The following SPEN variants were observed in gnomAD, a reference collection of about 807,000 sequenced individuals.
The protein encoded by SPEN is spen family transcriptional repressor.
Under a neutral mutation model 269.9 loss-of-function variants are expected in SPEN, and 18 were observed. That is an observed-to-expected ratio of 0.07 (90% CI 0.05 to 0.10). SPEN has a LOEUF of 0.10. Ranked by LOEUF, SPEN falls within the 10% of genes least tolerant of loss-of-function variation. The pLI is 1.00. For missense variants in SPEN, 3,822 were observed against 4,631.2 expected (o/e 0.83, Z 5.07); for synonymous variants, 1,726 against 1,765.7 (o/e 0.98, Z 0.56).
Position 15,922,226 on chromosome 1 carries a change from A to G in SPEN, c.1750-23A>G, listed in dbSNP as rs1165946123. 5.9e-6 allele frequency: 9 copies of G among 1,536,042 alleles called. No individual in the cohort carries two copies. The Admixed American group carries it at 1.3e-4, about 23-fold the overall frequency. On this transcript the variant is annotated intron_variant, in intron 9 of 14. Transcript: ENST00000375759. The stretch of plus-strand genomic sequence containing the variant: ...TCATTAAAATTTGAAACTTGCATCA[A>G]ACACCTCTTTTTTTTTTTAAAGGTG...
At chr1:15,853,613 C>T (rs1337404778) in intron 1 of SPEN, among the ~76,000 whole-genome samples, 1 of 152,034 alleles carries the variant, frequency 6.6e-6, no homozygotes, top group Admixed American at 6.6e-5. Context: ...CCTGCCTCAG[C>T]CTCCTGAATA....
chr1:15,874,181 A>T, intron 2 of SPEN: 8 of 1,366,514 alleles, frequency 5.9e-6, no homozygotes, highest in Non-Finnish European at 7.8e-6. Flanking sequence ...TGAGAGTTAC[A>T]GTTTGTCTGG....
intron 3 of SPEN, among the ~76,000 whole-genome samples, chr1:15,883,011 G>T (rs1162021533): frequency 6.6e-6 from 1 of 152,220 alleles, no homozygotes; most frequent in African/African-American, 2.4e-5. Context: ...GAGGGGAAAG[G>T]AGGCAATGGG....
In SPEN at chr1:15,929,548, C is replaced by A; in HGVS notation, c.3308C>A (p.Ser1103Ter). Residue 1103 changes from serine to a stop codon, truncating the protein, a stop_gained, in exon 11 of 15, where the codon TCA becomes TAA. Transcript: ENST00000375759. LOFTEE classifies it high-confidence loss of function. This position sits in a 1 kb window ranked among gnomAD's most constrained non-coding sequence, Gnocchi z 5.8. Reference sequence around the variant, plus strand: ...TCTGTGGAAAATCAAGAAGTCCAATCAAAAAAGCCCATTCCCTCAAAACCA... The same window carrying A: ...TCTGTGGAAAATCAAGAAGTCCAATAAAAAAAGCCCATTCCCTCAAAACCA... Reference protein sequence around the residue: ...GESVENQEVQSKKPIPSKPQL... With the variant: ...GESVENQEVQ 1 of 1,613,636 alleles carries A rather than the reference C, an allele frequency of 6.2e-7. No homozygotes were observed. Among genetic ancestry groups the A allele is most frequent in the Admixed American group, 1.7e-5 (1 of 59,948 alleles).
At chr1:15,864,799 C>T (rs1032745991) in intron 1 of SPEN, among the ~76,000 whole-genome samples, 12 of 147,392 alleles carry the variant, frequency 8.1e-5, no homozygotes, top group African/African-American at 3.0e-4. Context: ...ATCTTAACCT[C>T]TTGAGTAGCT....
At chr1:15,869,189 T>G (rs1257091917) in intron 1 of SPEN, among the ~76,000 whole-genome samples, 1 of 152,132 alleles carries the variant, frequency 6.6e-6, no homozygotes, top group Non-Finnish European at 1.5e-5. Flanking sequence ...CCTGAGTGGC[T>G]GGGACTGCAG....
At chr1:15,919,106 A>T in intron 7 of SPEN, 55 bp downstream of exon 7, 1 of 1,537,106 alleles carries the variant, frequency 6.5e-7, no homozygotes, top group South Asian at 1.2e-5. Flanking sequence ...GTTTTTTAAG[A>T]CTTGAAGGGT....
chr1:15,890,066 C>T (rs2070774519), intron 3 of SPEN, among the ~76,000 whole-genome samples: 1 of 151,972 alleles, frequency 6.6e-6, no homozygotes, highest in Non-Finnish European at 1.5e-5. Flanking sequence ...CTTCCTATGT[C>T]CAGGTAGACA....
chr1:15,929,216 T>C lies in SPEN; in HGVS notation c.2976T>C (p.Asn992=), dbSNP rs755013760. Residue 992 remains asparagine, a synonymous_variant, in exon 11 of 15, where the codon AAT becomes AAC. Transcript: ENST00000375759. The surrounding 1 kb of genome is among the most constrained non-coding windows in gnomAD (Gnocchi z 5.8). ...GGAAAAGGCGCTTTGCAGATTCCAA[T>C]TTAAAAGCAGAAAAGCAAAAACCAG... ...EARKRRFADS[N]LKAEKQKPEV... The C allele has an allele frequency of 6.2e-7, 1 of 1,614,130 alleles. No individual in the cohort carries two copies. Among genetic ancestry groups the C allele is most frequent in the East Asian group, 2.2e-5 (1 of 44,886 alleles).
intron 3 of SPEN, among the ~76,000 whole-genome samples, chr1:15,899,096 A>C (rs1255879304): frequency 6.6e-6 from 1 of 152,134 alleles, no homozygotes; most frequent in Non-Finnish European, 1.5e-5. Context: ...GGGGAACCCC[A>C]TGGCTGTACC....
chr1:15,876,381 A>G lies in SPEN; in HGVS notation c.584A>G (p.Asp195Gly). 6.2e-7 allele frequency: 1 copy of G among 1,614,092 alleles called. No individual in the cohort carries two copies. Among genetic ancestry groups the G allele is most frequent in the Non-Finnish European group, 8.5e-7 (1 of 1,180,006 alleles). Residue 195 changes from aspartate to glycine, a missense_variant, in exon 3 of 15, where the codon GAT becomes GGT. By Grantham distance (94) the Asp-to-Gly change is moderately conservative (BLOSUM62 -1). Coordinates refer to ENST00000375759, the MANE Select transcript of SPEN (RefSeq NM_015001.3). ...CGGAGTCGAAGTCCAAATCGCTTTG[A>G]TGCTCATGACCCCCGATATGAACCT... The part of the protein sequence containing the change: ...ASRSRSPNRF[D>G]AHDPRYEPRA...
At position 15,932,678 on chromosome 1, in the gene SPEN, G is replaced by A; in HGVS notation, c.6438G>A (p.Lys2146=). 1 of 1,614,108 alleles carries A rather than the reference G, an allele frequency of 6.2e-7. No homozygotes were observed. The highest frequency in any genetic ancestry group is 8.5e-7 in the Non-Finnish European group (1 of 1,180,014). ...QLKSDPVDPD[K]EPEKEDVSAS... is the part of the protein sequence containing the mutation. ...AAAGTGATCCAGTTGATCCAGACAA[G>A]GAACCAGAGAAAGAAGACGTGTCTG... The change falls in exon 11 of 15, where the codon AAG becomes AAA. Residue 2146 remains lysine (K), a synonymous_variant. Coordinates refer to ENST00000375759, the MANE Select transcript of SPEN (RefSeq NM_015001.3). This position sits in a 1 kb window ranked among gnomAD's most constrained non-coding sequence, Gnocchi z 4.2.
chr1:15,924,510 G>C (rs1309269353), intron 10 of SPEN, among the ~76,000 whole-genome samples: 1 of 152,016 alleles, frequency 6.6e-6, no homozygotes, highest in Non-Finnish European at 1.5e-5. Flanking sequence ...GCCCAGGCTG[G>C]AGTGCAATGG....
At position 15,933,861 on chromosome 1, in the gene SPEN, C is replaced by T. The variant is rs768761736; in HGVS notation, c.7621C>T (p.Pro2541Ser). Residue 2541 changes from proline to serine, a missense_variant, in exon 11 of 15, where the codon CCC becomes TCC. By Grantham distance (74) the Pro-to-Ser change is moderately conservative. This residue lies in a region of SPEN where 727 missense variants were observed against 737.9 expected (regional missense o/e 0.99). Coordinates refer to ENST00000375759, the MANE Select transcript of SPEN (RefSeq NM_015001.3). The surrounding 1 kb of genome is among the most constrained non-coding windows in gnomAD (Gnocchi z 5.7). ...SSTLRKILMD[P>S]KYVSATSVTS... is the part of the protein sequence containing the mutation. Reference sequence around the variant, plus strand: ...CACCCTGAGGAAGATTCTCATGGACCCCAAGTATGTGTCTGCCACAAGTGT... The same window carrying T: ...CACCCTGAGGAAGATTCTCATGGACTCCAAGTATGTGTCTGCCACAAGTGT... 1 of 1,613,642 alleles carries T rather than the reference C, an allele frequency of 6.2e-7. No homozygotes were observed. Among genetic ancestry groups the T allele is most frequent in the Non-Finnish European group, 8.5e-7 (1 of 1,180,034 alleles).
chr1:15,867,776 A>G (rs762107835), intron 1 of SPEN, among the ~76,000 whole-genome samples: 1 of 142,762 alleles, frequency 7.0e-6, no homozygotes, highest in Admixed American at 7.1e-5. Context: ...TTTGATTTTG[A>G]TTTCCCTAAT....
intron 5 of SPEN, among the ~76,000 whole-genome samples, chr1:15,912,974 C>T (rs1329336494): frequency 6.6e-6 from 1 of 152,138 alleles, no homozygotes; most frequent in Non-Finnish European, 1.5e-5. Flanking sequence ...ATAGGCTTTA[C>T]CTACTTGCCA....
chr1:15,895,000 G>A (rs747597254), intron 3 of SPEN, among the ~76,000 whole-genome samples: 4 of 152,040 alleles, frequency 2.6e-5, no homozygotes, highest in African/African-American at 9.7e-5. Context: ...TTGGCTCACC[G>A]CAAACTCTGC....
chr1:15,927,358 C>G (rs978102355), intron 10 of SPEN, among the ~76,000 whole-genome samples: 1 of 152,162 alleles, frequency 6.6e-6, no homozygotes, highest in African/African-American at 2.4e-5. Flanking sequence ...CAGATATTAT[C>G]TTAATCTTTT....
intron 3 of SPEN, among the ~76,000 whole-genome samples, chr1:15,892,071 A>T (rs139816002): frequency 8.4e-6 from 1 of 119,164 alleles, no homozygotes; most frequent in African/African-American, 3.4e-5. Flanking sequence ...CCCAGGCTGG[A>T]GTGCAGTGGC....
Sources: allele counts gnomAD v4.1 joint callset (sites outside exome capture counted in the v4.1 genomes callset), GRCh38; gene constraint gnomAD v4.1.1; regional missense constraint gnomAD v4.1.1; non-coding constraint Gnocchi (gnomAD v3.1); transcripts MANE v1.5; gene names NCBI Gene and HGNC (gene_info 2026-07-23, HGNC 2026-07-21).